The following CRABP1 variants were observed in gnomAD, a reference collection of about 807,000 sequenced individuals.
The protein encoded by CRABP1 is cellular retinoic acid-binding protein 1.
Under a neutral mutation model 16.4 loss-of-function variants are expected in CRABP1, and 9 were observed. The observed-to-expected ratio is 0.55, with a 90% confidence interval of 0.33 to 0.96. The LOEUF (loss-of-function observed/expected upper bound fraction) is 0.96, where lower values mean the gene tolerates loss of function less well. Among genes scored for constraint, CRABP1 ranks in the 40% least tolerant of loss-of-function variants. The pLI is 0.03. For missense variants in CRABP1, 157 were observed against 186.0 expected, an observed-to-expected ratio of 0.84 and a Z score of 0.91; for synonymous variants, 72 against 70.4, an observed-to-expected ratio of 1.02 and a Z score of -0.11.
At chr15:78,343,375 T>A in intron 2 of CRABP1, 124 bp from the exon 3 acceptor site, 5 of 738,144 alleles carry the variant, frequency 6.8e-6, no homozygotes, top group Non-Finnish European at 9.0e-6. Flanking sequence ...GAAGAATCTG[T>A]GGCCTGCTGA....
chr15:78,347,792 C>A (rs778213974), intron 3 of CRABP1, 135 bp from the exon 4 acceptor site: 36 of 798,456 alleles, frequency 4.5e-5, no homozygotes, highest in Non-Finnish European at 7.1e-5. Context: ...TTAGCCTGAG[C>A]ACACACACAG....
intron 3 of CRABP1, 91 bp from the exon 4 acceptor site, chr15:78,347,836 A>C (rs1389252905): frequency 4.8e-5 from 56 of 1,166,636 alleles, no homozygotes; most frequent in Non-Finnish European, 6.8e-5. Flanking sequence ...AGTTTTTAAC[A>C]GGGCAATAAG....
intron 1 of CRABP1, chr15:78,340,840 C>A: frequency 3.1e-6 from 2 of 636,994 alleles, no homozygotes; most frequent in Non-Finnish European, 5.4e-6. Flanking sequence ...CAGGCTCTGC[C>A]ACGAATTCAC....
chr15:78,340,423 G>GCCGCCACC lies in CRABP1; in HGVS notation c.-4_-3insGCCACCCC. 1 of 1,592,048 alleles carries GCCGCCACC rather than the reference G, an allele frequency of 6.3e-7. No individual in the cohort carries two copies. Among genetic ancestry groups the GCCGCCACC allele is most frequent in the Non-Finnish European group, 8.5e-7 (1 of 1,171,144 alleles). On this transcript the variant is annotated 5_prime_UTR_variant, in exon 1 of 4. Transcript: ENST00000299529. ...GTCCGTACCTGCCGCCGCCGCCACC[G>GCCGCCACC]CCACCATGCCCAACTTCGCCGGCAC...
At chr15:78,347,656 C>T (rs1168400426) in intron 3 of CRABP1, among the ~76,000 whole-genome samples, 1 of 152,134 alleles carries the variant, frequency 6.6e-6, no homozygotes, top group Non-Finnish European at 1.5e-5. Flanking sequence ...ACCAAAACTC[C>T]TGGCATTTCT....
At chr15:78,340,583 G>T in intron 1 of CRABP1, 85 bp downstream of exon 1, 1 of 1,488,376 alleles carries the variant, frequency 6.7e-7, no homozygotes, top group South Asian at 1.2e-5. Flanking sequence ...TCCTGGAGGG[G>T]GTGGAAGTTG....
chr15:78,342,405 CA>C (rs2050240437), intron 2 of CRABP1, among the ~76,000 whole-genome samples: 2 of 152,108 alleles, frequency 1.3e-5, no homozygotes, highest in Admixed American at 1.3e-4. Context: ...GTTCACACAA[CA>C]GCCGGGAGAG....
chr15:78,348,162 T>C lies in CRABP1; in HGVS notation c.*185T>C, dbSNP rs140883903. On this transcript the variant is annotated 3_prime_UTR_variant, in exon 4 of 4. Coordinates refer to ENST00000299529, the MANE Select transcript of CRABP1 (RefSeq NM_004378.3). ...CAGGCCTTGGTGCCTCTTGTATCCC[T>C]AGTGCTCCATAGTTTGGCATTTGCA... 8,907 of 594,890 alleles carry C rather than the reference T, an allele frequency of 0.015. 94 individuals are homozygous for C. Among genetic ancestry groups the C allele is most frequent in the Non-Finnish European group, 0.021 (6,973 of 336,996 alleles). The allele number at this position is 594,890 out of a possible 1,614,324, so 36.9% of individuals were successfully genotyped here.
intron 1 of CRABP1, 53 bp from the exon 2 acceptor site, chr15:78,340,990 C>G: frequency 6.4e-7 from 1 of 1,561,804 alleles, no homozygotes; most frequent in African/African-American, 1.3e-5. Context: ...CCGACCGGTC[C>G]CGAGACTGGC....
Position 78,343,608 on chromosome 15 carries a change from TCCTGGTAGGGAAC to T in CRABP1, c.363_363+12del, listed in dbSNP as rs1162323445. The stretch of plus-strand genomic sequence containing the variant: ...CGTGAGCTGGCCAACGATGAACTTA[TCCTGGTAGGGAAC>T]CCTTGACCCTGAAATAATCCTGAAG... On this transcript the variant is annotated splice_donor_variant and splice_donor_5th_base_variant and coding_sequence_variant and intron_variant, in exon 3 of 4. Coordinates refer to ENST00000299529, the MANE Select transcript of CRABP1 (RefSeq NM_004378.3). LOFTEE classifies it high-confidence loss of function. The T allele has an allele frequency of 1.9e-6, 3 of 1,614,044 alleles. No homozygotes were observed.
intron 3 of CRABP1, among the ~76,000 whole-genome samples, chr15:78,345,249 G>A (rs1182688151): frequency 1.3e-5 from 2 of 152,178 alleles, no homozygotes; most frequent in African/African-American, 4.8e-5. Flanking sequence ...GAAATTACAT[G>A]TTTATTCTGC....
At chr15:78,340,617 C>G in intron 1 of CRABP1, 119 bp downstream of exon 1, 1 of 1,167,380 alleles carries the variant, frequency 8.6e-7, no homozygotes, top group Non-Finnish European at 1.2e-6. Context: ...GGAGGGAGTC[C>G]CCGGGGCAAT....
chr15:78,346,023 C>T (rs369987357), intron 3 of CRABP1, among the ~76,000 whole-genome samples: 1 of 152,074 alleles, frequency 6.6e-6, no homozygotes, highest in Non-Finnish European at 1.5e-5. Flanking sequence ...CTGAGAAGGG[C>T]GCTTCAAATG....
rs1466583528 is a variant in CRABP1, at chr15:78,341,022, C to A, written c.71-21C>A. ...TGGCGGCGAGGCCCCGTGACCCAAG[C>A]CTGTGGTGCACCCTGCGCAGGTGTG... On this transcript the variant is annotated intron_variant, in intron 1 of 3. Coordinates refer to ENST00000299529, the MANE Select transcript of CRABP1 (RefSeq NM_004378.3). This position sits in a 1 kb window ranked among gnomAD's most constrained non-coding sequence, Gnocchi z 5.3. 3.1e-6 allele frequency: 5 copies of A among 1,595,904 alleles called. No individual in the cohort carries two copies. In the Admixed American group the frequency reaches 6.7e-5, roughly 21 times the overall value.
rs149803244 is a variant in CRABP1, at chr15:78,344,213, C to A, written c.363+601C>A. Among the ~76,000 whole-genome samples, 211 of 152,288 alleles carry A rather than the reference C, an allele frequency of 1.4e-3. 1 individual carries two copies. Among genetic ancestry groups the A allele is most frequent in the African/African-American group, 4.9e-3 (204 of 41,552 alleles). ...TTCCTTAAAAGTATTCAGATCCCAG[C>A]ATTCTGGGGGGCCAAAGCGGGTGGA... is the stretch of plus-strand genomic sequence containing the variant. On this transcript the variant is annotated intron_variant, in intron 3 of 3. Transcript: ENST00000299529.
chr15:78,343,594 C>T lies in CRABP1; in HGVS notation c.345C>T (p.Ala115=). Residue 115 remains alanine, a synonymous_variant, in exon 3 of 4, where the codon GCC becomes GCT. Transcript: ENST00000299529. ...GPKTYWTREL[A]NDELILTFGA... is the part of the protein sequence containing the mutation. ...AAACCTACTGGACCCGTGAGCTGGCCAACGATGAACTTATCCTGGTAGGGA... is the reference window on the plus strand; with the variant it reads ...AAACCTACTGGACCCGTGAGCTGGCTAACGATGAACTTATCCTGGTAGGGA... The T allele has an allele frequency of 6.2e-7, 1 of 1,614,070 alleles. No individual in the cohort carries two copies. Among genetic ancestry groups the T allele is most frequent in the African/African-American group, 1.3e-5 (1 of 75,050 alleles).
Position 78,341,541 on chromosome 15 carries a change from G to A in CRABP1, c.249+320G>A. 5.6e-6 allele frequency: 2 copies of A among 356,214 alleles called. No individual in the cohort carries two copies. Among genetic ancestry groups the A allele is most frequent in the Non-Finnish European group, 1.1e-5 (2 of 184,186 alleles). The allele number at this position is 356,214 out of a possible 1,614,324, so 22.1% of individuals were successfully genotyped here. A position where few individuals can be genotyped will look rare whatever the true frequency, so the allele number is the denominator to read the frequency against. On this transcript the variant is annotated intron_variant, in intron 2 of 3. Coordinates refer to ENST00000299529, the MANE Select transcript of CRABP1 (RefSeq NM_004378.3). This position sits in a 1 kb window ranked among gnomAD's most constrained non-coding sequence, Gnocchi z 5.3. ...CGGTTTGCAGCGCCAAGCGCAGGCGGCGCAGGAGGAGGAGGAGGTTGCAGG... is the reference window on the plus strand; with the variant it reads ...CGGTTTGCAGCGCCAAGCGCAGGCGACGCAGGAGGAGGAGGAGGTTGCAGG...
At chr15:78,342,049 T>C (rs1325334678) in intron 2 of CRABP1, among the ~76,000 whole-genome samples, 1 of 152,058 alleles carries the variant, frequency 6.6e-6, no homozygotes, top group East Asian at 1.9e-4. Context: ...GAGTGGGAAA[T>C]TGTTTCTTTC....
rs756459785 is a variant in CRABP1, at chr15:78,348,008, G to A, written c.*31G>A. Reference sequence around the variant, plus strand: ...GCTGGCTTGCTCCTACTTTCAGGAAGGGATGCAGGCTCCCCTGAGGAATAT... The same window carrying A: ...GCTGGCTTGCTCCTACTTTCAGGAAAGGATGCAGGCTCCCCTGAGGAATAT... On this transcript the variant is annotated 3_prime_UTR_variant, in exon 4 of 4. Coordinates refer to ENST00000299529, the MANE Select transcript of CRABP1 (RefSeq NM_004378.3). 1 of 1,609,108 alleles carries A rather than the reference G, an allele frequency of 6.2e-7. No homozygotes were observed. Among genetic ancestry groups the A allele is most frequent in the South Asian group, 1.1e-5 (1 of 90,960 alleles).
Sources: gnomAD v4.1 joint callset for allele counts (sites outside exome capture counted in the v4.1 genomes callset) on GRCh38, gnomAD v4.1.1 for gene constraint, Gnocchi (gnomAD v3.1) non-coding constraint, MANE v1.5 for transcripts, NCBI Gene and HGNC (gene_info 2026-07-23, HGNC 2026-07-21) for gene names.